PUM3: variants seen among roughly 807,000 people sequenced by gnomAD.
The protein encoded by PUM3 is pumilio RNA binding family member 3.
Under a neutral mutation model 84.0 loss-of-function variants are expected in PUM3, and 91 were observed. That is an observed-to-expected ratio of 1.08 (90% confidence interval 0.91 to 1.29). PUM3 has a LOEUF of 1.29. Ranked by LOEUF, PUM3 falls within the 50% of genes most tolerant of loss-of-function variation. The probability of loss-of-function intolerance (pLI) is 0.00; values close to 1 mark genes in which losing one functional copy is unlikely to be tolerated. For missense variants in PUM3, 1,067 were observed against 767.5 expected, an observed-to-expected ratio of 1.39 and a Z score of -4.61; for synonymous variants, 321 against 266.7, an observed-to-expected ratio of 1.20 and a Z score of -1.98.
intron 2 of PUM3, among the ~76,000 whole-genome samples, chr9:2,837,797 G>A (rs1816167870): frequency 6.6e-6 from 1 of 152,112 alleles, no homozygotes; most frequent in South Asian, 2.1e-4. Context: ...GAAGTCTTAA[G>A]AAATGACTTC....
In PUM3 at chr9:2,834,108, C is replaced by T. The variant is rs1470992978; in HGVS notation, c.363G>A (p.Lys121=). The T allele has an allele frequency of 6.2e-7, 1 of 1,613,714 alleles. No individual in the cohort carries two copies. The highest frequency in any genetic ancestry group is 8.5e-7 in the Non-Finnish European group (1 of 1,179,762). Residue 121 remains lysine, a synonymous_variant, in exon 4 of 18, where the codon AAG becomes AAA. Transcript: ENST00000397885. ...DDFKKKKKEL[K]QSRQLSDKTN... ...TTTTATCACTGAGTTGTCTGCTTTG[C>T]TTCAGTTCTTTCTTCTTCTTTTTGA...
rs745651838 is a variant in PUM3, at chr9:2,827,169, A to G, written c.957-18T>C. 3 of 1,590,556 alleles carry G rather than the reference A, an allele frequency of 1.9e-6. No homozygotes were observed. In the East Asian group the frequency reaches 6.7e-5, roughly 36 times the overall value. ...CAGCTTCCCTGAAAACAGAAAAAAA[A>G]AGCAAAAAGACACAACAGATCTGGC... On this transcript the variant is annotated intron_variant, in intron 9 of 17. Coordinates refer to ENST00000397885, the MANE Select transcript of PUM3 (RefSeq NM_014878.5).
intron 8 of PUM3, 25 bp from the exon 9 acceptor site, chr9:2,828,803 C>A: frequency 8.0e-7 from 1 of 1,252,114 alleles, no homozygotes; most frequent in South Asian, 1.2e-5. Flanking sequence ...AACAATCAAA[C>A]CCCTCTAAAT....
chr9:2,842,605 G>A (rs539274990), intron 1 of PUM3, among the ~76,000 whole-genome samples: 137 of 152,050 alleles, frequency 9.0e-4, no homozygotes, highest in African/African-American at 3.1e-3. Context: ...TTTGCCCTAG[G>A]GAACTTCCCT....
At chr9:2,818,410 C>T (rs376456231) in intron 13 of PUM3, among the ~76,000 whole-genome samples, 104 of 152,302 alleles carry the variant, frequency 6.8e-4, no homozygotes, top group African/African-American at 2.4e-3. Context: ...TGGCATACAT[C>T]TTTGGAAAAA....
intron 14 of PUM3, among the ~76,000 whole-genome samples, chr9:2,811,863 A>C (rs1268948560): frequency 6.6e-6 from 1 of 151,514 alleles, no homozygotes; most frequent in East Asian, 1.9e-4. Flanking sequence ...AAAAAAATCC[A>C]AAAACCAAAT....
intron 1 of PUM3, among the ~76,000 whole-genome samples, chr9:2,843,214 T>C (rs1440283285): frequency 6.6e-6 from 1 of 152,190 alleles, no homozygotes; most frequent in Non-Finnish European, 1.5e-5. Context: ...AGAACCTAGT[T>C]CCACTCTATC....
chr9:2,836,928 T>G (rs1563835925), intron 3 of PUM3, among the ~76,000 whole-genome samples: 1 of 152,202 alleles, frequency 6.6e-6, no homozygotes, highest in Non-Finnish European at 1.5e-5. Context: ...GAGGTTCCAC[T>G]GTATAAAGCC....
intron 1 of PUM3, among the ~76,000 whole-genome samples, chr9:2,839,960 G>T (rs964001231): frequency 6.6e-6 from 1 of 152,142 alleles, no homozygotes; most frequent in Admixed American, 6.5e-5. Flanking sequence ...AGTTGAGTTG[G>T]AGTTTACCAG....
intron 10 of PUM3, among the ~76,000 whole-genome samples, chr9:2,825,065 A>C (rs1815774831): frequency 1.3e-5 from 2 of 152,154 alleles, no homozygotes; most frequent in South Asian, 4.1e-4. Context: ...ACTTTTACCA[A>C]TGTCTGTTAA....
chr9:2,822,666 C>T (rs1586722783), intron 12 of PUM3, among the ~76,000 whole-genome samples: 1 of 148,770 alleles, frequency 6.7e-6, no homozygotes, highest in South Asian at 2.1e-4. Context: ...GAATGTCACG[C>T]AAAAAAATTT....
chr9:2,814,691 T>C (rs1821436244), intron 13 of PUM3, among the ~76,000 whole-genome samples: 2 of 152,184 alleles, frequency 1.3e-5, no homozygotes, highest in Non-Finnish European at 2.9e-5. Context: ...ATACATAGCC[T>C]GGGCCAATTT....
Position 2,821,073 on chromosome 9 carries a change from G to A in PUM3, c.1189-975C>T, listed in dbSNP as rs552874794. Among the ~76,000 whole-genome samples the A allele has an allele frequency of 5.1e-4, 77 of 152,172 alleles. 1 individual carries two copies. Among genetic ancestry groups the A allele is most frequent in the South Asian group, 6.2e-4 (3 of 4,828 alleles). Reference sequence around the variant, plus strand: ...AATTTCAATTAGAAACAATAACGAAGTTGCTAACTGTAAAGTCAAAAAGAC... The same window carrying A: ...AATTTCAATTAGAAACAATAACGAAATTGCTAACTGTAAAGTCAAAAAGAC... On this transcript the variant is annotated intron_variant, in intron 12 of 17. Transcript: ENST00000397885.
rs112185565 is a variant in PUM3, at chr9:2,837,218, T to C, written c.266A>G (p.Asn89Ser). 6.2e-5 allele frequency: 100 copies of C among 1,614,188 alleles called. No homozygotes were observed. The African/African-American group carries it at 1.1e-3, about 17-fold the overall frequency. ...KNKFQPANKF[N>S]KKRKFQPDGR... ...ATCTGGCTGGAATTTTCTCTTCTTG[T>C]TGAATTTATTTGCCGGCTGGAATTT... The change falls in exon 3 of 18, where the codon AAC (asparagine) becomes AGC (serine). Residue 89 changes from asparagine (N) to serine (S), a missense_variant. Transcript: ENST00000397885.
At chr9:2,824,455 T>C (rs1291336355) in intron 11 of PUM3, among the ~76,000 whole-genome samples, 4 of 152,204 alleles carry the variant, frequency 2.6e-5, no homozygotes, top group South Asian at 2.1e-4. Flanking sequence ...TAAATACATA[T>C]TATGTTTACT....
chr9:2,823,358 C>A (rs575564430), intron 12 of PUM3, among the ~76,000 whole-genome samples: 59 of 152,072 alleles, frequency 3.9e-4, no homozygotes, highest in African/African-American at 1.2e-3. Flanking sequence ...ATTTTAATTT[C>A]TTTTATGGTT....
intron 9 of PUM3, chr9:2,828,418 GGAAA>G (rs1815881811): frequency 8.4e-6 from 3 of 356,412 alleles, no homozygotes; most frequent in Non-Finnish European, 1.5e-5. Context: ...TTTTATTTGG[GGAAA>G]GAATGTTTCA....
chr9:2,837,736 T>C (rs1021926959), intron 2 of PUM3, among the ~76,000 whole-genome samples: 2 of 152,146 alleles, frequency 1.3e-5, no homozygotes, highest in Admixed American at 1.3e-4. Context: ...TACCTTTGTA[T>C]TCTGCTTTAA....
Position 2,838,010 on chromosome 9 carries a change from A to T in PUM3, c.82+416T>A, listed in dbSNP as rs1816174985. On this transcript the variant is annotated intron_variant, in intron 2 of 17. Coordinates refer to ENST00000397885, the MANE Select transcript of PUM3 (RefSeq NM_014878.5). ...CATTAAGGAAACATTAATCATTTGT[A>T]TAGTCCCTTGACTTTTCTGTTTTAC... is the stretch of plus-strand genomic sequence containing the variant. Among the ~76,000 whole-genome samples the T allele has an allele frequency of 1.3e-5, 2 of 152,202 alleles. 1 individual carries two copies. Among genetic ancestry groups the T allele is most frequent in the Admixed American group, 1.3e-4 (2 of 15,276 alleles).
Sources: gnomAD v4.1 joint callset for allele counts (sites outside exome capture counted in the v4.1 genomes callset) on GRCh38, gnomAD v4.1.1 for gene constraint, MANE v1.5 for transcripts, NCBI Gene and HGNC (gene_info 2026-07-23, HGNC 2026-07-21) for gene names.